TRPM7: variants seen among roughly 807,000 people sequenced by gnomAD.
The protein encoded by TRPM7 is LTRPC ion channel family member 7.
In TRPM7, 134 loss-of-function variants were observed where a neutral mutation model predicts 229.7. The observed-to-expected ratio is 0.58, with a 90% CI of 0.51 to 0.67. The LOEUF (loss-of-function observed/expected upper bound fraction) is 0.67. Among genes scored for constraint, TRPM7 ranks in the 30% least tolerant of loss-of-function variants. TRPM7 has a pLI of 0.00. For synonymous variants in TRPM7, 699 were observed against 715.2 expected (o/e 0.98, Z 0.36); for missense variants, 1,901 against 2,210.0 (o/e 0.86, Z 2.80).
chr15:50,661,477 T>C (rs770788758), intron 2 of TRPM7, among the ~76,000 whole-genome samples: 1 of 152,240 alleles, frequency 6.6e-6, no homozygotes, highest in Non-Finnish European at 1.5e-5. Context: ...AAAAGTTTTT[T>C]AAATGTATCA....
At position 50,558,421 on chromosome 15, in the gene TRPM7, G is replaced by C. The variant is rs985951619; in HGVS notation, c.*3257C>G. On this transcript the variant is annotated 3_prime_UTR_variant, in exon 39 of 39. Coordinates refer to ENST00000646667, the MANE Select transcript of TRPM7 (RefSeq NM_017672.6). ...AATTAGTTGGGTGTTACCCAGGCAT[G>C]GTGGCTCACACCTATAATCCCAGTA... is the stretch of plus-strand genomic sequence containing the variant. The C allele has an allele frequency of 6.6e-6, 1 of 152,114 alleles. No individual in the cohort carries two copies. The highest frequency in any genetic ancestry group is 2.4e-5 in the African/African-American group (1 of 41,410). The allele number at this position is 152,114 out of a possible 1,614,324, so 9.4% of individuals were successfully genotyped here. A position where few individuals can be genotyped will look rare whatever the true frequency, so the allele number is the denominator to read the frequency against.
At chr15:50,616,803 C>T (rs1008052904) in intron 13 of TRPM7, among the ~76,000 whole-genome samples, 1 of 152,060 alleles carries the variant, frequency 6.6e-6, no homozygotes, top group African/African-American at 2.4e-5. Context: ...GCCTCAGCCT[C>T]CTAAGTAGCT....
In TRPM7 at chr15:50,596,335, C is replaced by T. The variant is rs1443043805; in HGVS notation, c.3210G>A (p.Thr1070=). 4.3e-6 allele frequency: 7 copies of T among 1,609,700 alleles called. No homozygotes were observed. Among genetic ancestry groups the T allele is most frequent in the East Asian group, 2.2e-5 (1 of 44,746 alleles). ...SVIPQICGPG[T]WLTPFLQAVY... is the part of the protein sequence containing the mutation. ...CTGCTTGAAGAAATGGAGTCAACCA[C>T]GTCCCAGGACCACAGATTTGAGGGA... is the stretch of plus-strand genomic sequence containing the variant. Residue 1070 remains threonine (T), a synonymous_variant, in exon 23 of 39, where the codon ACG becomes ACA. Transcript: ENST00000646667.
At chr15:50,671,978 CTA>C (rs1246155593) in intron 1 of TRPM7, among the ~76,000 whole-genome samples, 1 of 113,028 alleles carries the variant, frequency 8.8e-6, no homozygotes, top group Non-Finnish European at 2.0e-5. Context: ...TAATAAATGA[CTA>C]TGTTACTGAT....
chr15:50,663,942 G>C (rs2061804952), intron 1 of TRPM7, among the ~76,000 whole-genome samples: 1 of 150,534 alleles, frequency 6.6e-6, no homozygotes, highest in Non-Finnish European at 1.5e-5. Flanking sequence ...CAGCCTGAGT[G>C]AAAGAGTGAG....
chr15:50,568,719 A>T (rs1032575008), intron 38 of TRPM7, among the ~76,000 whole-genome samples: 2 of 152,264 alleles, frequency 1.3e-5, no homozygotes, highest in African/African-American at 4.8e-5. Flanking sequence ...TCACGCCTGT[A>T]ATCCTAGCAC....
rs2060083841 is a variant in TRPM7, at chr15:50,612,358, C to A, written c.2051+191G>T. 3.3e-5 allele frequency among the ~76,000 whole-genome samples: 5 copies of A among 152,160 alleles called. No individual in the cohort carries two copies. In the South Asian group the frequency reaches 1.0e-3, roughly 32 times the overall value. ...AATTCTTGAGTTGCAAATATAATAA[C>A]CTCTTTTTCATAGAGGCAGAAAGTT... is the stretch of plus-strand genomic sequence containing the variant. On this transcript the variant is annotated intron_variant, in intron 16 of 38. Transcript: ENST00000646667.
chr15:50,593,713 T>C lies in TRPM7; in HGVS notation c.3512A>G (p.His1171Arg). ...FLTEEDQKKLHDFEEQCVEMY... is the reference protein window; with the variant it reads ...FLTEEDQKKLRDFEEQCVEMY... ...TTCAACACACTGCTCTTCAAAATCA[T>C]GAAGTTTCTTTTGATCTTCTTCTGT... is the stretch of plus-strand genomic sequence containing the variant. The change falls in exon 25 of 39, where the codon CAT becomes CGT. Residue 1171 changes from histidine (H) to arginine (R), a missense_variant. Transcript: ENST00000646667. 6.2e-7 allele frequency: 1 copy of C among 1,610,766 alleles called. No homozygotes were observed. The highest frequency in any genetic ancestry group is 8.5e-7 in the Non-Finnish European group (1 of 1,179,110).
At chr15:50,667,428 G>A (rs748303020) in intron 1 of TRPM7, among the ~76,000 whole-genome samples, 4 of 152,146 alleles carry the variant, frequency 2.6e-5, no homozygotes, top group Admixed American at 6.6e-5. Flanking sequence ...GCTGCTGGCC[G>A]GGCACAGTGG....
chr15:50,557,463 A>T lies in TRPM7; in HGVS notation c.*4215T>A, dbSNP rs373824124. 6.6e-6 allele frequency: 1 copy of T among 152,206 alleles called. No homozygotes were observed. Among genetic ancestry groups the T allele is most frequent in the African/African-American group, 2.4e-5 (1 of 41,454 alleles). The allele number at this position is 152,206 out of a possible 1,614,324, so 9.4% of individuals were successfully genotyped here. On this transcript the variant is annotated 3_prime_UTR_variant, in exon 39 of 39. Coordinates refer to ENST00000646667, the MANE Select transcript of TRPM7 (RefSeq NM_017672.6). ...AACATAGTCTGACTTGAGAGTGGGG[A>T]AAGTGGAACAAGGGAGTAATTTTTA...
At chr15:50,599,868 A>C (rs2059729056) in intron 21 of TRPM7, among the ~76,000 whole-genome samples, 1 of 152,168 alleles carries the variant, frequency 6.6e-6, no homozygotes, top group Admixed American at 6.5e-5. Context: ...ACTAAAAGAC[A>C]CCAATGTCTG....
intron 28 of TRPM7, among the ~76,000 whole-genome samples, chr15:50,584,469 G>C (rs761836452): frequency 6.6e-6 from 1 of 152,128 alleles, no homozygotes; most frequent in Non-Finnish European, 1.5e-5. Context: ...AGTGAGAAAA[G>C]AGAGTTCAAT....
chr15:50,683,590 C>T (rs1596359677), intron 1 of TRPM7, among the ~76,000 whole-genome samples: 1 of 151,992 alleles, frequency 6.6e-6, no homozygotes, highest in Non-Finnish European at 1.5e-5. Flanking sequence ...AAAAATTAGC[C>T]GGGTGTGGTG....
At chr15:50,597,674 G>A (rs2059668405) in intron 22 of TRPM7, among the ~76,000 whole-genome samples, 1 of 152,132 alleles carries the variant, frequency 6.6e-6, no homozygotes, top group South Asian at 2.1e-4. Flanking sequence ...ACTTTGGGAG[G>A]CCAAAGCAGG....
intron 12 of TRPM7, among the ~76,000 whole-genome samples, chr15:50,623,491 C>CG (rs1433184980): frequency 2.9e-5 from 4 of 140,172 alleles, no homozygotes; most frequent in African/African-American, 8.3e-5. Flanking sequence ...TGCCCCGCCC[C>CG]CTCCCCGCCC....
In TRPM7 at chr15:50,574,879, T is replaced by C. The variant is rs1290969305; in HGVS notation, c.4992A>G (p.Glu1664=). Residue 1664 remains glutamate, a synonymous_variant, in exon 34 of 39, where the codon GAA becomes GAG. Transcript: ENST00000646667. ...TCAGACAGAGATGCAGAACTGTATC[T>C]TCTTTGTAAATACTTGACCATGTAT... The part of the protein sequence containing the change: ...VVNTWSSIYK[E]DTVLHLCLRE... 6.2e-7 allele frequency: 1 copy of C among 1,613,114 alleles called. No homozygotes were observed. The highest frequency in any genetic ancestry group is 8.5e-7 in the Non-Finnish European group (1 of 1,179,300).
chr15:50,574,687 A>AAG lies in TRPM7; in HGVS notation c.5050_5051dup (p.Thr1685LeufsTer8), dbSNP rs770188745. The AAG allele has an allele frequency of 1.9e-6, 3 of 1,613,900 alleles. No homozygotes were observed. The highest frequency in any genetic ancestry group is 2.5e-6 in the Non-Finnish European group (3 of 1,179,944). On this transcript the variant is annotated frameshift_variant, in exon 35 of 39. Transcript: ENST00000646667. LOFTEE classifies it high-confidence loss of function. ...GTTTCATTTGATTAAAGGCAAACGT[A>AAG]AGCTTTTGTGCTGCTCTCTGTTGTT...
chr15:50,591,784 T>C (rs1464912964), intron 26 of TRPM7, 127 bp downstream of exon 26: 1 of 724,056 alleles, frequency 1.4e-6, no homozygotes, highest in Non-Finnish European at 2.0e-6. Flanking sequence ...AGGTGTCTGA[T>C]TCTTTTTAAA....
At chr15:50,634,902 G>A (rs1278899702) in intron 7 of TRPM7, among the ~76,000 whole-genome samples, 1 of 152,114 alleles carries the variant, frequency 6.6e-6, no homozygotes, top group Admixed American at 6.6e-5. Flanking sequence ...CTCTTGACGT[G>A]AAATGTAAAC....
Sources: allele counts gnomAD v4.1 joint callset (sites outside exome capture counted in the v4.1 genomes callset), GRCh38; gene constraint gnomAD v4.1.1; transcripts MANE v1.5; gene names NCBI Gene and HGNC (gene_info 2026-07-23, HGNC 2026-07-21).